The following ZNF496 variants were observed in gnomAD, a reference collection of about 807,000 sequenced individuals.
ZNF496 encodes the protein zinc finger protein 496.
Under a neutral mutation model 58.9 loss-of-function variants are expected in ZNF496, and 11 were observed. The observed-to-expected ratio is 0.19, with a 90% CI of 0.12 to 0.31. ZNF496 has a LOEUF of 0.31. Among genes scored for constraint, ZNF496 ranks in the 10% least tolerant of loss-of-function variants. ZNF496 has a pLI of 1.00. For missense variants in ZNF496, 660 were observed against 783.0 expected, an observed-to-expected ratio of 0.84 and a Z score of 1.88; for synonymous variants, 338 against 318.2, an observed-to-expected ratio of 1.06 and a Z score of -0.66.
chr1:247,301,365 T>C, intron 9 of ZNF496, 89 bp from the exon 10 acceptor site: 1 of 1,450,206 alleles, frequency 6.9e-7, no homozygotes, highest in South Asian at 1.6e-5. Flanking sequence ...CAGCTTGGAG[T>C]TTACAAACCC....
chr1:247,328,543 A>C (rs1440986583), intron 5 of ZNF496, 140 bp downstream of exon 5: 1 of 860,658 alleles, frequency 1.2e-6, no homozygotes, highest in Non-Finnish European at 1.7e-6. Context: ...TCAGACCCTG[A>C]CAACAGCTCA....
At position 247,308,323 on chromosome 1, in the gene ZNF496, C is replaced by T. The variant is rs1659482446; in HGVS notation, c.1006+152G>A. ...AGGTGCACCCATGAATGCACACACT[C>T]ACACATGCAGCACACCACATATACC... On this transcript the variant is annotated intron_variant, in intron 9 of 9. Coordinates refer to ENST00000682384, the MANE Select transcript of ZNF496 (RefSeq NM_032752.3). This position sits in a 1 kb window ranked among gnomAD's most constrained non-coding sequence, Gnocchi z 4.5. 1 of 733,846 alleles carries T rather than the reference C, an allele frequency of 1.4e-6. No homozygotes were observed. The highest frequency in any genetic ancestry group is 1.8e-5 in the African/African-American group (1 of 56,670). 45.5% of individuals were successfully genotyped at this position (733,846 alleles called of 1,614,324 possible).
rs1001656577 is a variant in ZNF496, at chr1:247,301,256, G to C, written c.1027C>G (p.Leu343Val). Reference sequence around the variant, plus strand: ...ACTTCTTCATCCAGGCTGTTCTCTAGAGATCGCGGGTTGCCGCCAGCTACA... The same window carrying C: ...ACTTCTTCATCCAGGCTGTTCTCTACAGATCGCGGGTTGCCGCCAGCTACA... ...TYPAGGNPRS[L>V]ENSLDEEVTI... The change falls in exon 10 of 10, where the codon CTA (leucine) becomes GTA (valine). Residue 343 changes from leucine (L) to valine (V), a missense_variant. Coordinates refer to ENST00000682384, the MANE Select transcript of ZNF496 (RefSeq NM_032752.3). 44 of 1,516,742 alleles carry C rather than the reference G, an allele frequency of 2.9e-5. No homozygotes were observed. The highest frequency in any genetic ancestry group is 3.9e-5 in the Non-Finnish European group (44 of 1,135,024). The allele number at this position is 1,516,742 out of a possible 1,614,324, so 94.0% of individuals were successfully genotyped here.
In ZNF496 at chr1:247,308,469, C is replaced by G; in HGVS notation, c.1006+6G>C. Reference sequence around the variant, plus strand: ...ACAAACCCATACCTCCCTGACCCTTCTTTACCTGGGTAGGTGTTTTGAGGC... The same window carrying G: ...ACAAACCCATACCTCCCTGACCCTTGTTTACCTGGGTAGGTGTTTTGAGGC... On this transcript the variant is annotated splice_donor_region_variant and intron_variant, in intron 9 of 9. Transcript: ENST00000682384. This position sits in a 1 kb window ranked among gnomAD's most constrained non-coding sequence, Gnocchi z 4.5. The G allele has an allele frequency of 6.2e-7, 1 of 1,613,898 alleles. No homozygotes were observed. Among genetic ancestry groups the G allele is most frequent in the Non-Finnish European group, 8.5e-7 (1 of 1,179,780 alleles).
intron 9 of ZNF496, among the ~76,000 whole-genome samples, chr1:247,304,447 C>T (rs1404724568): frequency 2.7e-5 from 4 of 150,926 alleles, no homozygotes; most frequent in Non-Finnish European, 4.4e-5. Context: ...TCTTGGCTCA[C>T]TGCAACCTCT....
rs1660236335 is a variant in ZNF496 at position 247,329,176 on chromosome 1, C to G, written c.390+13G>C. 1.2e-6 allele frequency: 2 copies of G among 1,613,374 alleles called. No individual in the cohort carries two copies. Among genetic ancestry groups the G allele is most frequent in the Non-Finnish European group, 1.7e-6 (2 of 1,180,022 alleles). ...AGATCTCTACCCGTCCCAGCCCCACCTCTTCTACTCACCCACTGCCAGGGT... is the reference window on the plus strand; with the variant it reads ...AGATCTCTACCCGTCCCAGCCCCACGTCTTCTACTCACCCACTGCCAGGGT... On this transcript the variant is annotated intron_variant, in intron 4 of 9. Coordinates refer to ENST00000682384, the MANE Select transcript of ZNF496 (RefSeq NM_032752.3). The surrounding 1 kb of genome is among the most constrained non-coding windows in gnomAD (Gnocchi z 5.5).
chr1:247,319,115 G>A (rs918393671), intron 6 of ZNF496, among the ~76,000 whole-genome samples: 1 of 152,176 alleles, frequency 6.6e-6, no homozygotes, highest in Non-Finnish European at 1.5e-5. Context: ...CCAAGTAGCT[G>A]GCACTATAGG....
intron 9 of ZNF496, among the ~76,000 whole-genome samples, chr1:247,306,018 G>A (rs752012863): frequency 3.9e-5 from 6 of 152,158 alleles, no homozygotes; most frequent in Non-Finnish European, 5.9e-5. Flanking sequence ...AGAGGCAAGG[G>A]ATTCAGACCC....
chr1:247,298,437 C>CT lies in ZNF496; in HGVS notation c.*2081_*2082insA, dbSNP rs1480687096. The CT allele has an allele frequency of 6.6e-6, 1 of 152,320 alleles. No homozygotes were observed. The highest frequency in any genetic ancestry group is 1.5e-5 in the Non-Finnish European group (1 of 68,120). The allele number at this position is 152,320 out of a possible 1,614,324, so 9.4% of individuals were successfully genotyped here. On this transcript the variant is annotated 3_prime_UTR_variant, in exon 10 of 10. Coordinates refer to ENST00000682384, the MANE Select transcript of ZNF496 (RefSeq NM_032752.3). ...CCAGACTCAAGCAATCCTCCCACCT[C>CT]AGCCTCCAGAGTAGCTGGGACCGCA...
intron 6 of ZNF496, among the ~76,000 whole-genome samples, chr1:247,315,765 G>C (rs1228897025): frequency 6.6e-6 from 1 of 152,096 alleles, no homozygotes; most frequent in East Asian, 1.9e-4. Context: ...AAAATAAAAA[G>C]AAAGAGAATA....
At chr1:247,301,580 C>T (rs983434054) in intron 9 of ZNF496, among the ~76,000 whole-genome samples, 5 of 152,168 alleles carry the variant, frequency 3.3e-5, no homozygotes, top group African/African-American at 1.2e-4. Context: ...CCACCCCATC[C>T]CCCCAAGCTC....
intron 9 of ZNF496, among the ~76,000 whole-genome samples, chr1:247,302,280 A>C (rs1001993436): frequency 1.3e-5 from 2 of 152,116 alleles, no homozygotes; most frequent in African/African-American, 4.8e-5. Context: ...GAAGTTGGAC[A>C]AACAGAAGCA....
chr1:247,322,304 G>C (rs143005029), intron 6 of ZNF496, among the ~76,000 whole-genome samples: 191 of 152,234 alleles, frequency 1.3e-3, no homozygotes, highest in African/African-American at 4.3e-3. Context: ...ATAAAATAAA[G>C]TCATGTCAAA....
chr1:247,329,473 G>A lies in ZNF496; in HGVS notation c.106C>T (p.Pro36Ser), dbSNP rs1193223881. The part of the protein sequence containing the change: ...GENPSPQGEL[P>S]SPESSRRLFR... ...AGACGCCGAGAGGACTCGGGGCTGG[G>A]AAGCTCCCCCTGGGGGCTAGGGTTC... Residue 36 changes from proline to serine, a missense_variant, in exon 4 of 10, where the codon CCC becomes TCC. Pro to Ser is a moderately conservative substitution (Grantham distance 74). Coordinates refer to ENST00000682384, the MANE Select transcript of ZNF496 (RefSeq NM_032752.3). The surrounding 1 kb of genome is among the most constrained non-coding windows in gnomAD (Gnocchi z 5.5). 6 of 1,609,310 alleles carry A rather than the reference G, an allele frequency of 3.7e-6. No individual in the cohort carries two copies. Among genetic ancestry groups the A allele is most frequent in the Non-Finnish European group, 5.1e-6 (6 of 1,178,220 alleles).
At chr1:247,315,622 T>G (rs1016523229) in intron 6 of ZNF496, among the ~76,000 whole-genome samples, 1 of 150,450 alleles carries the variant, frequency 6.6e-6, no homozygotes, top group African/African-American at 2.5e-5. Flanking sequence ...TGGGGAAAAA[T>G]AGAATGAGGG....
intron 6 of ZNF496, among the ~76,000 whole-genome samples, chr1:247,318,879 C>T (rs548913546): frequency 6.6e-6 from 1 of 152,174 alleles, no homozygotes. Context: ...CAAATTACAA[C>T]ACTCTATGAT....
At chr1:247,324,011 G>T (rs1660039886) in intron 5 of ZNF496, among the ~76,000 whole-genome samples, 1 of 150,078 alleles carries the variant, frequency 6.7e-6, no homozygotes, top group African/African-American at 2.5e-5. Context: ...AGAGATGGAG[G>T]CTGCAGTGAG....
At chr1:247,314,618 G>T (rs1659712506) in intron 6 of ZNF496, among the ~76,000 whole-genome samples, 1 of 152,144 alleles carries the variant, frequency 6.6e-6, no homozygotes, top group Admixed American at 6.5e-5. Flanking sequence ...AGCAAAAAAG[G>T]AACAGAATAA....
intron 9 of ZNF496, chr1:247,306,958 G>A: frequency 2.6e-6 from 1 of 387,174 alleles, no homozygotes; most frequent in Non-Finnish European, 3.5e-6. Context: ...ATGTCATCAT[G>A]TAAATCACTG....
Sources: allele counts gnomAD v4.1 joint callset (sites outside exome capture counted in the v4.1 genomes callset), GRCh38; gene constraint gnomAD v4.1.1; non-coding constraint Gnocchi (gnomAD v3.1); transcripts MANE v1.5; gene names NCBI Gene and HGNC (gene_info 2026-07-23, HGNC 2026-07-21).